PCDH15: variants seen among roughly 807,000 people sequenced by gnomAD.
The protein encoded by PCDH15 is protocadherin-15.
In PCDH15, 129 loss-of-function variants were observed where a neutral mutation model predicts 178.5. The observed-to-expected ratio is 0.72, with a 90% CI of 0.63 to 0.84. PCDH15 has a LOEUF of 0.84. Ranked by LOEUF, PCDH15 falls within the 40% of genes least tolerant of loss-of-function variation. The probability of loss-of-function intolerance (pLI) is 0.00; values close to 1 mark genes in which losing one functional copy is unlikely to be tolerated. For missense variants in PCDH15, 2,230 were observed against 2,099.9 expected (o/e 1.06, Z -1.21); for synonymous variants, 800 against 732.0 (o/e 1.09, Z -1.50).
At chr10:54,135,137 A>C (rs2042793940) in intron 14 of PCDH15, among the ~76,000 whole-genome samples, 1 of 151,242 alleles carries the variant, frequency 6.6e-6, no homozygotes, top group Admixed American at 6.6e-5. Context: ...CGGGAGACGG[A>C]GGTTGTAGTG....
At chr10:55,350,630 T>C (rs1844900402) in intron 2 of PCDH15, among the ~76,000 whole-genome samples, 1 of 151,886 alleles carries the variant, frequency 6.6e-6, no homozygotes, top group Non-Finnish European at 1.5e-5. Context: ...AGATAGAAAA[T>C]GGAGTTTTAA....
At chr10:54,093,667 G>C (rs1049149843) in intron 15 of PCDH15, among the ~76,000 whole-genome samples, 1 of 151,990 alleles carries the variant, frequency 6.6e-6, no homozygotes, top group Non-Finnish European at 1.5e-5. Flanking sequence ...CTTATAATGT[G>C]TCAGAAACTA....
intron 2 of PCDH15, among the ~76,000 whole-genome samples, chr10:54,622,654 CTATATAATATATATTA>C (rs1168561311): frequency 4.5e-5 from 4 of 87,920 alleles, no homozygotes; most frequent in South Asian, 2.6e-4. Flanking sequence ...TATATATATA[CTATATAATATATATTA>C]TATATAATAT....
intron 25 of PCDH15, among the ~76,000 whole-genome samples, chr10:53,919,027 T>C (rs539519761): frequency 5.3e-5 from 8 of 152,342 alleles, no homozygotes; most frequent in African/African-American, 7.2e-5. Context: ...CAATGGCCAG[T>C]GGATTCTTCT....
chr10:55,597,580 C>T (rs1842961846), intron 2 of PCDH15, among the ~76,000 whole-genome samples: 1 of 152,166 alleles, frequency 6.6e-6, no homozygotes, highest in South Asian at 2.1e-4. Context: ...TGTCTTAATA[C>T]TTATATAATA....
At chr10:54,617,082 A>T (rs115831036) in intron 2 of PCDH15, among the ~76,000 whole-genome samples, 4,770 of 151,416 alleles carry the variant, frequency 0.032, 234 homozygotes, top group African/African-American at 0.1. Flanking sequence ...TTTTAAGTAG[A>T]GACTGGATTT....
At chr10:54,919,466 T>C (rs1202978777) in intron 2 of PCDH15, among the ~76,000 whole-genome samples, 8 of 152,176 alleles carry the variant, frequency 5.3e-5, no homozygotes, top group Admixed American at 5.2e-4. Context: ...CAAGCCATAG[T>C]GCCTTTAAGA....
At chr10:55,600,444 T>C (rs993644688) in intron 2 of PCDH15, among the ~76,000 whole-genome samples, 2 of 152,018 alleles carry the variant, frequency 1.3e-5, no homozygotes, top group African/African-American at 4.8e-5. Flanking sequence ...CGCACTAGTG[T>C]AAGTCAGTTA....
intron 5 of PCDH15, among the ~76,000 whole-genome samples, chr10:54,357,687 A>G (rs1260865519): frequency 6.6e-6 from 1 of 152,168 alleles, no homozygotes; most frequent in African/African-American, 2.4e-5. Context: ...TGACACCAAA[A>G]AAGAGCCTGC....
intron 21 of PCDH15, among the ~76,000 whole-genome samples, chr10:53,968,370 G>A (rs2089280473): frequency 6.6e-6 from 1 of 152,156 alleles, no homozygotes; most frequent in Non-Finnish European, 1.5e-5. Flanking sequence ...GAACCGGGTG[G>A]AGCCCACCAC....
At chr10:55,243,783 T>G (rs542588363) in intron 1 of PCDH15, among the ~76,000 whole-genome samples, 1 of 152,166 alleles carries the variant, frequency 6.6e-6, no homozygotes, top group African/African-American at 2.4e-5. Flanking sequence ...CAGAACAGCT[T>G]TGACTCAAAT....
intron 3 of PCDH15, among the ~76,000 whole-genome samples, chr10:54,889,015 T>C (rs1049217181): frequency 6.6e-6 from 1 of 151,882 alleles, no homozygotes; most frequent in Non-Finnish European, 1.5e-5. Context: ...TTATTAATGA[T>C]GTCTCCACTA....
At chr10:53,809,581 T>C (rs781670335) in intron 37 of PCDH15, 3 of 1,591,108 alleles carry the variant, frequency 1.9e-6, no homozygotes, top group East Asian at 2.2e-5. Flanking sequence ...AAGTGTCAGC[T>C]TGGAGATAGC....
At chr10:53,808,855 A>T (rs2075757222) in intron 37 of PCDH15, 3 of 1,608,062 alleles carry the variant, frequency 1.9e-6, no homozygotes, top group Admixed American at 3.4e-5. Context: ...CTCACTTTCC[A>T]CACCTCCTTC....
intron 25 of PCDH15, among the ~76,000 whole-genome samples, chr10:53,913,800 A>G: frequency 6.6e-6 from 1 of 152,120 alleles, no homozygotes; most frequent in East Asian, 1.9e-4. Flanking sequence ...GCACAGCAAA[A>G]TAAGCTACCA....
intron 2 of PCDH15, among the ~76,000 whole-genome samples, chr10:54,633,315 T>A (rs1033756356): frequency 1.3e-5 from 2 of 152,084 alleles, no homozygotes; most frequent in African/African-American, 4.8e-5. Flanking sequence ...ATGCAAGGGA[T>A]GTTGGGTTGT....
chr10:55,071,861 A>T (rs1243433921), intron 2 of PCDH15, among the ~76,000 whole-genome samples: 1 of 152,188 alleles, frequency 6.6e-6, no homozygotes, highest in Non-Finnish European at 1.5e-5. Flanking sequence ...AGCTCTCCTC[A>T]GCCAATGTGA....
intron 1 of PCDH15, among the ~76,000 whole-genome samples, chr10:55,224,482 C>T (rs572909405): frequency 5.5e-4 from 84 of 152,138 alleles, no homozygotes; most frequent in African/African-American, 2.0e-3. Flanking sequence ...TGAAGAAATC[C>T]AGGCGACCCT....
intron 3 of PCDH15, among the ~76,000 whole-genome samples, chr10:54,419,239 T>TACAA (rs879889854): frequency 9.6e-5 from 8 of 83,198 alleles, no homozygotes; most frequent in Non-Finnish European, 1.8e-4. Flanking sequence ...TATACATATA[T>TACAA]ACATACACAC....
Sources: allele counts gnomAD v4.1 joint callset (sites outside exome capture counted in the v4.1 genomes callset), GRCh38; gene constraint gnomAD v4.1.1; transcripts MANE v1.5; gene names NCBI Gene and HGNC (gene_info 2026-07-23, HGNC 2026-07-21).